The following TMEM181 variants were observed in gnomAD, a reference collection of about 807,000 sequenced individuals.
TMEM181 encodes G protein-coupled receptor 178.
TMEM181 carries 39 observed loss-of-function variants against 71.9 expected under a neutral mutation model. The ratio of observed to expected loss-of-function variants is 0.54; its 90% CI spans 0.42 to 0.71. The LOEUF is 0.71. TMEM181 is among the 30% of genes least tolerant of loss of function. The pLI is 0.00. For missense variants in TMEM181, 595 were observed against 583.0 expected, an observed-to-expected ratio of 1.02 and a Z score of -0.21; for synonymous variants, 245 against 228.8, an observed-to-expected ratio of 1.07 and a Z score of -0.64.
At chr6:158,604,587 C>T (rs1784844291) in intron 6 of TMEM181, among the ~76,000 whole-genome samples, 2 of 152,176 alleles carry the variant, frequency 1.3e-5, no homozygotes. Flanking sequence ...ACTTGGCACA[C>T]GTGGGACTGT....
intron 10 of TMEM181, among the ~76,000 whole-genome samples, chr6:158,615,488 A>G (rs548045827): frequency 6.6e-6 from 1 of 152,184 alleles, no homozygotes; most frequent in African/African-American, 2.4e-5. Flanking sequence ...CTTTAGTTTA[A>G]TTAGATCCCA....
intron 3 of TMEM181, among the ~76,000 whole-genome samples, chr6:158,581,959 A>G (rs1562634140): frequency 1.3e-5 from 2 of 152,066 alleles, no homozygotes; most frequent in African/African-American, 2.4e-5. Flanking sequence ...CATGATATAT[A>G]TAGTTTAAAT....
intron 2 of TMEM181, among the ~76,000 whole-genome samples, chr6:158,579,057 G>A (rs1161877747): frequency 1.3e-5 from 2 of 151,960 alleles, no homozygotes; most frequent in African/African-American, 4.8e-5. Context: ...TTAGAAGTTC[G>A]ATTCCAGCCT....
At chr6:158,625,016 C>T in intron 11 of TMEM181, 88 bp from the exon 12 acceptor site, 5 of 1,031,644 alleles carry the variant, frequency 4.8e-6, no homozygotes, top group Non-Finnish European at 7.7e-6. Context: ...CTTCTAAAAA[C>T]CTGTGGCTTT....
chr6:158,589,752 G>A lies in TMEM181; in HGVS notation c.462G>A (p.Leu154=), dbSNP rs746044339. 3 of 1,614,110 alleles carry A rather than the reference G, an allele frequency of 1.9e-6. No homozygotes were observed. The South Asian group carries it at 3.3e-5, about 18-fold the overall frequency. The change falls in exon 6 of 17, where the codon CTG becomes CTA. Residue 154 remains leucine, a synonymous_variant. Transcript: ENST00000684151. ...CAGTGATAGTGGGATTTGAACACCTGAAGCTCCCCATCAAGGGAATGAACT... is the reference window on the plus strand; with the variant it reads ...CAGTGATAGTGGGATTTGAACACCTAAAGCTCCCCATCAAGGGAATGAACT... ...QYTVIVGFEH[L]KLPIKGMNFT... is the part of the protein sequence containing the mutation.
chr6:158,541,036 GC>G lies in TMEM181; in HGVS notation c.131+4174del, dbSNP rs528635774. Among the ~76,000 whole-genome samples the G allele has an allele frequency of 1.6e-3, 245 of 152,224 alleles. 2 individuals are homozygous for G. Among genetic ancestry groups the G allele is most frequent in the African/African-American group, 5.7e-3 (238 of 41,530 alleles). ...TGAGGGAGCTTTTAAAAACAAAGAT[GC>G]CCAGGTCCCATCCTTGAGGATTCTA... On this transcript the variant is annotated intron_variant, in intron 1 of 16. Coordinates refer to the TMEM181 transcript ENST00000367090.
chr6:158,611,826 C>G (rs1785332886), intron 10 of TMEM181: 1 of 190,350 alleles, frequency 5.3e-6, no homozygotes, highest in Non-Finnish European at 1.1e-5. Context: ...AGGTCAGAGT[C>G]ACTCTCTCTT....
intron 1 of TMEM181, among the ~76,000 whole-genome samples, chr6:158,548,018 G>T (rs994130680): frequency 6.6e-6 from 1 of 152,168 alleles, no homozygotes; most frequent in Middle Eastern, 3.4e-3. Context: ...TGACTGACAT[G>T]GGGGCTCCTT....
intron 10 of TMEM181, among the ~76,000 whole-genome samples, chr6:158,617,454 G>GT (rs920639641): frequency 1.4e-4 from 19 of 138,802 alleles, no homozygotes; most frequent in East Asian, 1.3e-3. Context: ...TTTTTGAAGG[G>GT]TTTTTTTTGT....
rs14759 is a variant in TMEM181, at chr6:158,634,898, C to A, written c.*3010C>A. On this transcript the variant is annotated 3_prime_UTR_variant, in exon 17 of 17. Transcript: ENST00000684151. ...TCCTTTATCACAGGAAAAACACAGA[C>A]CCTCATAAAAGGGATAATTAAAACG... 2.0e-5 allele frequency: 3 copies of A among 152,006 alleles called. No homozygotes were observed. The highest frequency in any genetic ancestry group is 7.2e-5 in the African/African-American group (3 of 41,438). 9.4% of individuals were successfully genotyped at this position (152,006 alleles called of 1,614,324 possible). A position where few individuals can be genotyped will look rare whatever the true frequency, so the allele number is the denominator to read the frequency against.
chr6:158,549,628 T>C (rs1281118186), intron 1 of TMEM181, among the ~76,000 whole-genome samples: 1 of 152,182 alleles, frequency 6.6e-6, no homozygotes. Flanking sequence ...GAATAGGCAT[T>C]CCACAGTAAG....
intron 6 of TMEM181, among the ~76,000 whole-genome samples, chr6:158,596,124 G>A (rs989851305): frequency 5.9e-5 from 9 of 152,194 alleles, no homozygotes; most frequent in South Asian, 4.1e-4. Flanking sequence ...GTTTCACTGC[G>A]TTAGCCAGGA....
At chr6:158,570,736 G>T (rs1362526441) in intron 1 of TMEM181, among the ~76,000 whole-genome samples, 1 of 146,818 alleles carries the variant, frequency 6.8e-6, no homozygotes, top group African/African-American at 2.5e-5. Context: ...CACATAACCT[G>T]GCGCATTTAT....
At chr6:158,571,456 CTGG>C (rs1782834290) in intron 1 of TMEM181, among the ~76,000 whole-genome samples, 1 of 134,794 alleles carries the variant, frequency 7.4e-6, no homozygotes, top group Non-Finnish European at 1.6e-5. Context: ...GCCACCACGC[CTGG>C]CTGCTAATTT....
chr6:158,633,913 T>C lies in TMEM181; in HGVS notation c.*2025T>C, dbSNP rs1238656225. The C allele has an allele frequency of 3.3e-5, 5 of 152,208 alleles. No homozygotes were observed. Among genetic ancestry groups the C allele is most frequent in the Non-Finnish European group, 7.3e-5 (5 of 68,034 alleles). The allele number at this position is 152,208 out of a possible 1,614,324, so 9.4% of individuals were successfully genotyped here. ...GATGAAGATGTGCTGATTAACATAT[T>C]CTGTGATATGGTTTACAACTTTTAA... is the stretch of plus-strand genomic sequence containing the variant. On this transcript the variant is annotated 3_prime_UTR_variant, in exon 17 of 17. Coordinates refer to ENST00000684151, the MANE Select transcript of TMEM181 (RefSeq NM_001376852.1).
chr6:158,572,397 A>T (rs773969011), intron 1 of TMEM181: 163 of 456,720 alleles, frequency 3.6e-4, no homozygotes, highest in Non-Finnish European at 6.4e-4. Flanking sequence ...CTGGCTCCCA[A>T]GACCAGAACA....
At chr6:158,631,674 G>C (rs1308335836) in intron 16 of TMEM181, 136 bp from the exon 17 acceptor site, 4 of 1,003,980 alleles carry the variant, frequency 4.0e-6, no homozygotes, top group Non-Finnish European at 6.0e-6. Flanking sequence ...GACGGGGTGA[G>C]CAGTAGCAGT....
At chr6:158,618,006 G>A (rs1785713969) in intron 10 of TMEM181, among the ~76,000 whole-genome samples, 1 of 152,234 alleles carries the variant, frequency 6.6e-6, no homozygotes, top group Non-Finnish European at 1.5e-5. Context: ...GCTTGGTGCA[G>A]AGCTGAGTTC....
At chr6:158,610,035 T>C (rs1785204366) in intron 10 of TMEM181, 1 of 221,114 alleles carries the variant, frequency 4.5e-6, no homozygotes. Context: ...TTGTGTATCT[T>C]GTAGTCAGAG....
Sources: gnomAD v4.1 joint callset for allele counts (sites outside exome capture counted in the v4.1 genomes callset) on GRCh38, gnomAD v4.1.1 for gene constraint, MANE v1.5 for transcripts, NCBI Gene and HGNC (gene_info 2026-07-23, HGNC 2026-07-21) for gene names.